NCMAP: variants seen among roughly 807,000 people sequenced by gnomAD.
NCMAP encodes non-compact myelin associated protein.
Under a neutral mutation model 7.8 loss-of-function variants are expected in NCMAP, and 8 were observed. The observed-to-expected ratio is 1.02, with a 90% CI of 0.60 to 1.84. The LOEUF is 1.84. Ranked by LOEUF, NCMAP falls within the 40% of genes most tolerant of loss-of-function variation. NCMAP has a pLI of 0.00. For synonymous variants in NCMAP, 41 were observed against 52.9 expected (o/e 0.78, Z 0.98); for missense variants, 112 against 131.4 (o/e 0.85, Z 0.72).
At chr1:24,577,850 G>A (rs1651630377) in intron 1 of NCMAP, among the ~76,000 whole-genome samples, 1 of 151,972 alleles carries the variant, frequency 6.6e-6, no homozygotes, top group South Asian at 2.1e-4. Context: ...AGATGCATGG[G>A]CCGGGGGTCG....
intron 1 of NCMAP, among the ~76,000 whole-genome samples, chr1:24,580,282 G>T (rs1159925489): frequency 6.6e-6 from 1 of 152,154 alleles, no homozygotes. Flanking sequence ...ACTTGCCATG[G>T]CTACATGTGG....
chr1:24,598,132 C>A (rs545324000), intron 2 of NCMAP, among the ~76,000 whole-genome samples: 3 of 152,276 alleles, frequency 2.0e-5, no homozygotes, highest in Non-Finnish European at 4.4e-5. Flanking sequence ...AGGAAAAAAA[C>A]CTAAGTTGCC....
chr1:24,605,678 C>G lies in NCMAP; in HGVS notation c.240C>G (p.Asn80Lys). ...KPTAPSAVGP[N>K]SNGSQHPATV... ...CCGCCCCTTCTGCCGTGGGCCCAAA[C>G]AGCAACGGCAGCCAACACCCAGCAA... Residue 80 changes from asparagine (N) to lysine (K), a missense_variant, in exon 4 of 4, where the codon AAC becomes AAG. Physicochemically the swap from Asn to Lys is moderately conservative, Grantham distance 94. Coordinates refer to ENST00000374392, the MANE Select transcript of NCMAP (RefSeq NM_001010980.5). 6.2e-7 allele frequency: 1 copy of G among 1,614,196 alleles called. No homozygotes were observed. Among genetic ancestry groups the G allele is most frequent in the Non-Finnish European group, 8.5e-7 (1 of 1,180,034 alleles).
intron 1 of NCMAP, among the ~76,000 whole-genome samples, chr1:24,570,051 G>A (rs543542808): frequency 1.3e-5 from 2 of 150,112 alleles, no homozygotes; most frequent in South Asian, 2.1e-4. Context: ...CTGGGCTCAA[G>A]TGATCCTCCC....
chr1:24,557,445 A>G (rs1279524873), intron 1 of NCMAP, among the ~76,000 whole-genome samples: 1 of 151,332 alleles, frequency 6.6e-6, no homozygotes, highest in African/African-American at 2.4e-5. Context: ...GGGTGTGTGC[A>G]CGTGTGTGCG....
intron 1 of NCMAP, among the ~76,000 whole-genome samples, 200 bp downstream of exon 1, chr1:24,556,369 G>A (rs1650895731): frequency 6.6e-6 from 1 of 152,146 alleles, no homozygotes; most frequent in Admixed American, 6.5e-5. Context: ...GCGTTGGTCC[G>A]GGGTGGTGGG....
At chr1:24,571,181 A>G (rs1278371242) in intron 1 of NCMAP, among the ~76,000 whole-genome samples, 1 of 150,848 alleles carries the variant, frequency 6.6e-6, no homozygotes, top group Non-Finnish European at 1.5e-5. Flanking sequence ...GCCACATTAA[A>G]AAAGTAAAAA....
intron 1 of NCMAP, among the ~76,000 whole-genome samples, chr1:24,575,284 A>C (rs1651516717): frequency 6.6e-6 from 1 of 152,112 alleles, no homozygotes; most frequent in Non-Finnish European, 1.5e-5. Context: ...AAAAAGTTTC[A>C]GTTTTTTTCC....
chr1:24,573,957 A>C (rs1570519893), intron 1 of NCMAP, among the ~76,000 whole-genome samples: 1 of 90,924 alleles, frequency 1.1e-5, no homozygotes, highest in Non-Finnish European at 2.5e-5. Context: ...GAGGACAAAA[A>C]AAAAAAAAAA....
chr1:24,574,183 ATC>A (rs758904828), intron 1 of NCMAP, among the ~76,000 whole-genome samples: 8 of 149,564 alleles, frequency 5.3e-5, no homozygotes, highest in Non-Finnish European at 1.0e-4. Context: ...GTGCAGTGGA[ATC>A]TTGGCTCACT....
At position 24,595,430 on chromosome 1, in the gene NCMAP, G is replaced by C. The variant is rs1201111035; in HGVS notation, c.-1G>C. The C allele has an allele frequency of 6.2e-7, 1 of 1,611,376 alleles. No homozygotes were observed. Among genetic ancestry groups the C allele is most frequent in the Admixed American group, 1.7e-5 (1 of 59,942 alleles). ...TCTTCTTCTTTCTCATCAGGATCGA[G>C]ATGACCACAGCCACCCCTCTGGGGG... On this transcript the variant is annotated 5_prime_UTR_variant, in exon 2 of 4. Transcript: ENST00000374392.
At chr1:24,584,642 CCTTT>C (rs964222601) in intron 1 of NCMAP, among the ~76,000 whole-genome samples, 1 of 151,966 alleles carries the variant, frequency 6.6e-6, no homozygotes, top group Non-Finnish European at 1.5e-5. Context: ...TGATCAGGCA[CCTTT>C]CTGTGGTCAG....
chr1:24,567,477 G>A (rs1364901005), intron 1 of NCMAP, among the ~76,000 whole-genome samples: 1 of 152,110 alleles, frequency 6.6e-6, no homozygotes, highest in African/African-American at 2.4e-5. Context: ...TCTGCTAGGG[G>A]GTTAACGTGC....
intron 1 of NCMAP, chr1:24,589,709 G>A (rs1164368370): frequency 6.6e-6 from 1 of 152,524 alleles, no homozygotes; most frequent in Non-Finnish European, 1.5e-5. Context: ...GTGTGTCAGG[G>A]ACAGGGTGGT....
intron 1 of NCMAP, among the ~76,000 whole-genome samples, chr1:24,592,403 C>A (rs990344410): frequency 3.3e-5 from 5 of 152,004 alleles, no homozygotes; most frequent in African/African-American, 1.2e-4. Flanking sequence ...TTAGTAGGTG[C>A]CACGTTGATA....
chr1:24,603,913 T>C (rs1054793076), intron 3 of NCMAP, among the ~76,000 whole-genome samples: 1 of 152,238 alleles, frequency 6.6e-6, no homozygotes, highest in Non-Finnish European at 1.5e-5. Context: ...GGGTAAATTA[T>C]ACAGAAAAGA....
chr1:24,590,749 A>G (rs1269672472), intron 1 of NCMAP, among the ~76,000 whole-genome samples: 1 of 152,330 alleles, frequency 6.6e-6, no homozygotes. Flanking sequence ...TGGGGACTAC[A>G]GGCACACACC....
chr1:24,571,457 A>G (rs759479017), intron 1 of NCMAP, among the ~76,000 whole-genome samples: 47 of 149,996 alleles, frequency 3.1e-4, no homozygotes, highest in Non-Finnish European at 6.5e-4. Context: ...CCTGGGTGAC[A>G]GAGCAAGACT....
At chr1:24,598,508 A>G (rs1652337853) in intron 2 of NCMAP, among the ~76,000 whole-genome samples, 2 of 152,028 alleles carry the variant, frequency 1.3e-5, no homozygotes. Context: ...ACTCCTTCGT[A>G]TCTGGCTTCT....
Sources: allele counts gnomAD v4.1 joint callset (sites outside exome capture counted in the v4.1 genomes callset), GRCh38; gene constraint gnomAD v4.1.1; transcripts MANE v1.5; gene names NCBI Gene and HGNC (gene_info 2026-07-23, HGNC 2026-07-21).